The following STK33 variants were observed in gnomAD, a reference collection of about 807,000 sequenced individuals.
STK33 encodes serine/threonine kinase 33.
A neutral mutation model predicts 58.0 loss-of-function variants in STK33; 52 were observed. That is an observed-to-expected ratio of 0.90 (90% CI 0.72 to 1.13). The LOEUF (loss-of-function observed/expected upper bound fraction) is 1.13, where lower values mean the gene tolerates loss of function less well. Ranked by LOEUF, STK33 falls within the 50% of genes most tolerant of loss-of-function variation. STK33 has a pLI of 0.00. For synonymous variants in STK33, 215 were observed against 200.1 expected (o/e 1.07, Z -0.63); for missense variants, 630 against 604.2 (o/e 1.04, Z -0.45).
chr11:8,354,474 TCACACACACACA>T, the STK33 span, among the ~76,000 whole-genome samples: 38 of 124,758 alleles, frequency 3.0e-4, no homozygotes, highest in South Asian at 2.2e-3. Context: ...CTGCAAAACC[TCACACACACACA>T]CACACACACA....
the STK33 span, among the ~76,000 whole-genome samples, chr11:8,335,809 T>A: frequency 6.6e-6 from 1 of 152,236 alleles, no homozygotes; most frequent in Admixed American, 6.5e-5. Flanking sequence ...TATTTTACAT[T>A]CTTCTATGGT....
the STK33 span, among the ~76,000 whole-genome samples, chr11:8,335,043 C>A: frequency 1.3e-5 from 2 of 152,256 alleles, no homozygotes; most frequent in African/African-American, 4.8e-5. Context: ...GTGGCAGATC[C>A]TGAGGAGGTG....
At chr11:8,499,720 C>T (rs577284825) in intron 1 of STK33, among the ~76,000 whole-genome samples, 51 of 152,258 alleles carry the variant, frequency 3.3e-4, no homozygotes, top group African/African-American at 1.2e-3. Flanking sequence ...CACATATACA[C>T]CATGGAATAC....
intron 1 of STK33, among the ~76,000 whole-genome samples, chr11:8,527,877 T>C (rs754796145): frequency 2.0e-5 from 3 of 152,188 alleles, no homozygotes; most frequent in Non-Finnish European, 2.9e-5. Context: ...ATCATAGAAA[T>C]AGATGCAAAA....
intron 11 of STK33, among the ~76,000 whole-genome samples, chr11:8,448,282 C>T (rs1451118398): frequency 1.3e-5 from 2 of 152,178 alleles, no homozygotes; most frequent in Admixed American, 6.5e-5. Context: ...GAAAAAACTA[C>T]TTTAAAGTTC....
At chr11:8,592,200 C>G (rs946690870) in intron 1 of STK33, among the ~76,000 whole-genome samples, 8 of 152,084 alleles carry the variant, frequency 5.3e-5, no homozygotes, top group African/African-American at 1.7e-4. Context: ...AGTAACAACT[C>G]GCCCCAGGCT....
intron 1 of STK33, among the ~76,000 whole-genome samples, chr11:8,557,394 G>A (rs11041979): frequency 0.53 from 78,109 of 147,126 alleles, 20,859 homozygotes; most frequent in South Asian, 0.64. Flanking sequence ...AAAAGGAGGG[G>A]AAAAAGGAAG....
chr11:8,496,364 C>T (rs1167395535), intron 1 of STK33, among the ~76,000 whole-genome samples: 2 of 152,096 alleles, frequency 1.3e-5, no homozygotes, highest in Non-Finnish European at 1.5e-5. Context: ...TATTTGAAAA[C>T]AATTTTAATT....
At chr11:8,548,093 A>C (rs1471659402) in intron 1 of STK33, among the ~76,000 whole-genome samples, 1 of 151,770 alleles carries the variant, frequency 6.6e-6, no homozygotes, top group Non-Finnish European at 1.5e-5. Flanking sequence ...GCACACCAAC[A>C]TGGCACGTGT....
chr11:8,536,796 A>G (rs541436024), intron 1 of STK33, among the ~76,000 whole-genome samples: 13 of 150,376 alleles, frequency 8.6e-5, no homozygotes, highest in Admixed American at 6.0e-4. Context: ...GTTTGTTTGA[A>G]GAGACAAGGT....
intron 1 of STK33, among the ~76,000 whole-genome samples, chr11:8,591,093 T>C (rs180950718): frequency 5.3e-5 from 8 of 152,324 alleles, no homozygotes; most frequent in Admixed American, 2.6e-4. Flanking sequence ...GATAAGCTTC[T>C]ACAACGTGTG....
intron 8 of STK33, among the ~76,000 whole-genome samples, chr11:8,460,383 T>G (rs747050074): frequency 8.6e-5 from 13 of 151,920 alleles, no homozygotes; most frequent in South Asian, 2.1e-4. Context: ...TATATAGATA[T>G]ATATATATAT....
At chr11:8,457,981 G>C (rs924915565) in intron 8 of STK33, among the ~76,000 whole-genome samples, 1 of 152,188 alleles carries the variant, frequency 6.6e-6, no homozygotes, top group Non-Finnish European at 1.5e-5. Context: ...AGTGAGGCTA[G>C]AAAGAACAGG....
intron 1 of STK33, among the ~76,000 whole-genome samples, chr11:8,528,568 T>A (rs562168142): frequency 1.3e-5 from 2 of 152,364 alleles, no homozygotes; most frequent in South Asian, 2.1e-4. Flanking sequence ...CTTAGGTCAA[T>A]GATATCTATC....
intron 1 of STK33, among the ~76,000 whole-genome samples, chr11:8,524,424 G>GA (rs1953851467): frequency 1.3e-5 from 2 of 152,028 alleles, no homozygotes; most frequent in Non-Finnish European, 2.9e-5. Flanking sequence ...CAAGTCAGTA[G>GA]AAAAAATAAA....
the STK33 span, among the ~76,000 whole-genome samples, chr11:8,354,511 C>CACACACACACACACACAT: frequency 7.0e-6 from 1 of 143,674 alleles, no homozygotes; most frequent in Non-Finnish European, 1.6e-5. Context: ...CACACACACA[C>CACACACACACACACACAT]ACACACCCCT....
intron 1 of STK33, among the ~76,000 whole-genome samples, chr11:8,490,450 C>G (rs112623201): frequency 6.6e-6 from 1 of 152,030 alleles, no homozygotes; most frequent in South Asian, 2.1e-4. Context: ...CACAGCTCAC[C>G]AAGGCCTGCT....
chr11:8,393,461 T>C (rs992948351), intron 15 of STK33, among the ~76,000 whole-genome samples: 6 of 152,220 alleles, frequency 3.9e-5, no homozygotes, highest in Admixed American at 2.6e-4. Flanking sequence ...GGGTCTGTTT[T>C]GACGTTAGGC....
chr11:8,356,532 C>G, the STK33 span, among the ~76,000 whole-genome samples: 3 of 150,346 alleles, frequency 2.0e-5, no homozygotes. Flanking sequence ...TAAAGAAGAC[C>G]AGTGGTGGGG....
Sources: gnomAD v4.1 joint callset for allele counts (sites outside exome capture counted in the v4.1 genomes callset) on GRCh38, gnomAD v4.1.1 for gene constraint, MANE v1.5 for transcripts, NCBI Gene and HGNC (gene_info 2026-07-23, HGNC 2026-07-21) for gene names.